SLC24A2: variants seen among roughly 807,000 people sequenced by gnomAD.
SLC24A2 encodes sodium/potassium/calcium exchanger 2.
A neutral mutation model predicts 62.0 loss-of-function variants in SLC24A2; 36 were observed. The ratio of observed to expected loss-of-function variants is 0.58; its 90% CI spans 0.44 to 0.77. SLC24A2 has a LOEUF of 0.77. SLC24A2 is among the 30% of genes least tolerant of loss of function. The pLI, the probability that SLC24A2 is intolerant of heterozygous loss-of-function variation, is 0.00. For synonymous variants in SLC24A2, 358 were observed against 294.0 expected (o/e 1.22, Z -2.23); for missense variants, 846 against 817.9 (o/e 1.03, Z -0.42).
At chr9:19,878,744 G>A in the SLC24A2 span, among the ~76,000 whole-genome samples, 1 of 152,046 alleles carries the variant, frequency 6.6e-6, no homozygotes, top group Non-Finnish European at 1.5e-5. Flanking sequence ...AGTTTCCTGA[G>A]GCCTCCCCAG....
At chr9:20,234,666 G>T in the SLC24A2 span, among the ~76,000 whole-genome samples, 1 of 152,150 alleles carries the variant, frequency 6.6e-6, no homozygotes, top group Non-Finnish European at 1.5e-5. Flanking sequence ...TTTGCCATTG[G>T]TTTGAATTTC....
the SLC24A2 span, among the ~76,000 whole-genome samples, chr9:20,289,455 T>C: frequency 6.6e-6 from 1 of 152,024 alleles, no homozygotes; most frequent in Admixed American, 6.5e-5. Flanking sequence ...ATTAAAGGAG[T>C]GCAGTTTTGA....
the SLC24A2 span, among the ~76,000 whole-genome samples, chr9:20,051,657 C>CTCTTTTTTTTTTTTTTTTTTTTTTTTT: frequency 3.3e-4 from 24 of 73,506 alleles, 3 homozygotes; most frequent in Admixed American, 2.8e-3. Context: ...TTTTCTTTCT[C>CTCTTTTTTTTTTTTTTTTTTTTTTTTT]TTTTTTTTTT....
intron 8 of SLC24A2, among the ~76,000 whole-genome samples, chr9:19,533,304 C>G (rs910607067): frequency 6.6e-6 from 1 of 152,164 alleles, no homozygotes; most frequent in Non-Finnish European, 1.5e-5. Flanking sequence ...TTTCCCCTCT[C>G]TTTCCTCTCC....
chr9:19,801,712 GAGCTAAGTTGCA>G, the SLC24A2 span, among the ~76,000 whole-genome samples: 1 of 152,184 alleles, frequency 6.6e-6, no homozygotes, highest in African/African-American at 2.4e-5. Context: ...GGTCAGGTGT[GAGCTAAGTTGCA>G]AGCCCTGTGT....
chr9:19,585,903 G>T (rs1046050551), intron 5 of SLC24A2, among the ~76,000 whole-genome samples: 1 of 152,126 alleles, frequency 6.6e-6, no homozygotes, highest in Non-Finnish European at 1.5e-5. Context: ...GGATGGATCA[G>T]CCCAAATGTG....
At chr9:19,839,237 A>T in the SLC24A2 span, among the ~76,000 whole-genome samples, 1 of 152,174 alleles carries the variant, frequency 6.6e-6, no homozygotes, top group Admixed American at 6.5e-5. Flanking sequence ...AAAGTCAGGA[A>T]ACAACAGGTG....
chr9:20,227,130 G>C, the SLC24A2 span, among the ~76,000 whole-genome samples: 20,994 of 152,042 alleles, frequency 0.14, 1,774 homozygotes, highest in African/African-American at 0.23. Flanking sequence ...GAATGGCCTT[G>C]ACAGGTTGCC....
chr9:20,224,788 A>T, the SLC24A2 span, among the ~76,000 whole-genome samples: 37 of 152,198 alleles, frequency 2.4e-4, 1 homozygote, highest in Admixed American at 5.2e-4. Flanking sequence ...CCCTGCCCAG[A>T]TCATTTTCGT....
chr9:20,176,291 T>G, the SLC24A2 span, among the ~76,000 whole-genome samples: 1 of 152,088 alleles, frequency 6.6e-6, no homozygotes, highest in African/African-American at 2.4e-5. Flanking sequence ...TTACTTCATT[T>G]TACTGGAAAA....
chr9:20,304,277 T>C, the SLC24A2 span, among the ~76,000 whole-genome samples: 1 of 150,960 alleles, frequency 6.6e-6, no homozygotes, highest in East Asian at 1.9e-4. Flanking sequence ...CTTCCTAAAC[T>C]CTCATCCCAC....
chr9:20,187,541 A>G, the SLC24A2 span, among the ~76,000 whole-genome samples: 1 of 152,064 alleles, frequency 6.6e-6, no homozygotes, highest in Non-Finnish European at 1.5e-5. Context: ...TCATGCTTCA[A>G]TTCTTGCAGT....
chr9:20,056,153 A>G, the SLC24A2 span, among the ~76,000 whole-genome samples: 1 of 152,242 alleles, frequency 6.6e-6, no homozygotes, highest in African/African-American at 2.4e-5. Context: ...TTATATATTT[A>G]GCAAAGAGCC....
chr9:20,157,899 A>G, the SLC24A2 span, among the ~76,000 whole-genome samples: 164 of 151,638 alleles, frequency 1.1e-3, no homozygotes, highest in Middle Eastern at 3.4e-3. Flanking sequence ...TGTCCACAAA[A>G]TATCTATGAA....
chr9:19,833,169 T>C, the SLC24A2 span, among the ~76,000 whole-genome samples: 1 of 152,068 alleles, frequency 6.6e-6, no homozygotes, highest in Non-Finnish European at 1.5e-5. Context: ...AAATGGGTGA[T>C]TTCTGCATTT....
the SLC24A2 span, among the ~76,000 whole-genome samples, chr9:20,283,138 T>A: frequency 9.8e-5 from 15 of 152,332 alleles, no homozygotes; most frequent in African/African-American, 3.6e-4. Flanking sequence ...AGAAAAATAT[T>A]TCCCAATCGG....
chr9:19,933,623 A>G, the SLC24A2 span, among the ~76,000 whole-genome samples: 1 of 152,232 alleles, frequency 6.6e-6, no homozygotes, highest in South Asian at 2.1e-4. Context: ...TCCTACATAC[A>G]TATTAAAAAG....
At chr9:19,739,130 C>T (rs907367119) in intron 2 of SLC24A2, among the ~76,000 whole-genome samples, 5 of 152,142 alleles carry the variant, frequency 3.3e-5, no homozygotes, top group African/African-American at 1.2e-4. Context: ...CCCAAAAAAT[C>T]ATTTATCTAG....
chr9:19,849,475 A>G, the SLC24A2 span, among the ~76,000 whole-genome samples: 2 of 152,204 alleles, frequency 1.3e-5, no homozygotes, highest in Non-Finnish European at 2.9e-5. Flanking sequence ...CTATGTTTTA[A>G]CAATATTGGC....
Sources: allele counts gnomAD v4.1 joint callset (sites outside exome capture counted in the v4.1 genomes callset), GRCh38; gene constraint gnomAD v4.1.1; transcripts MANE v1.5; gene names NCBI Gene and HGNC (gene_info 2026-07-23, HGNC 2026-07-21).